The following NXPH1 variants were observed in gnomAD, a reference collection of about 807,000 sequenced individuals.
NXPH1 encodes neurexophilin-1.
In NXPH1, 5 loss-of-function variants were observed where a neutral mutation model predicts 23.7. The observed-to-expected ratio is 0.21, with a 90% CI of 0.11 to 0.44. The LOEUF (loss-of-function observed/expected upper bound fraction) is 0.44, where lower values mean the gene tolerates loss of function less well. Ranked by LOEUF, NXPH1 falls within the 20% of genes least tolerant of loss-of-function variation. The pLI is 0.99. For synonymous variants in NXPH1, 144 were observed against 122.2 expected (o/e 1.18, Z -1.18); for missense variants, 324 against 321.6 (o/e 1.01, Z -0.06).
rs10266924 is a variant in NXPH1 at position 8,737,044 on chromosome 7, T to A, written c.55-13964T>A. On this transcript the variant is annotated intron_variant, in intron 2 of 2. Transcript: ENST00000405863. The stretch of plus-strand genomic sequence containing the variant: ...CGTGTGTGTTTGCATGTCAGATGGG[T>A]CTCCTGAATACAGCAGATCGATGAG... Among the ~76,000 whole-genome samples the A allele has an allele frequency of 7.3e-3, 1,114 of 152,178 alleles. 16 individuals carry two copies. Among genetic ancestry groups the A allele is most frequent in the African/African-American group, 0.026 (1,071 of 41,504 alleles).
chr7:8,623,171 T>C (rs1346199499), intron 2 of NXPH1, among the ~76,000 whole-genome samples: 1 of 152,094 alleles, frequency 6.6e-6, no homozygotes, highest in African/African-American at 2.4e-5. Context: ...AATTTAATGA[T>C]GCAGGAGGGA....
intron 2 of NXPH1, among the ~76,000 whole-genome samples, chr7:8,739,336 A>G (rs901496925): frequency 1.3e-5 from 2 of 152,050 alleles, no homozygotes; most frequent in African/African-American, 4.8e-5. Flanking sequence ...AAAGTGTAGT[A>G]TCTGGGCCAG....
At chr7:8,586,582 A>G (rs1818985747) in intron 2 of NXPH1, among the ~76,000 whole-genome samples, 1 of 151,798 alleles carries the variant, frequency 6.6e-6, no homozygotes, top group Non-Finnish European at 1.5e-5. Flanking sequence ...GAACAGCATG[A>G]CCAAAAATTC....
intron 2 of NXPH1, among the ~76,000 whole-genome samples, chr7:8,555,242 C>T (rs1818338302): frequency 6.6e-6 from 1 of 151,688 alleles, no homozygotes; most frequent in African/African-American, 2.4e-5. Flanking sequence ...CTGCTCAGCA[C>T]TCCATTGGAG....
intron 2 of NXPH1, among the ~76,000 whole-genome samples, chr7:8,693,723 C>G (rs1261759613): frequency 6.6e-6 from 1 of 152,254 alleles, no homozygotes; most frequent in Non-Finnish European, 1.5e-5. Context: ...TACTGTTCAT[C>G]TTCCATTACA....
At chr7:8,702,809 G>C (rs1163521718) in intron 2 of NXPH1, among the ~76,000 whole-genome samples, 1 of 152,086 alleles carries the variant, frequency 6.6e-6, no homozygotes, top group Non-Finnish European at 1.5e-5. Flanking sequence ...CTTACAGTTA[G>C]AGATGTGATA....
chr7:8,640,732 G>T (rs895548476), intron 2 of NXPH1, among the ~76,000 whole-genome samples: 3 of 152,110 alleles, frequency 2.0e-5, no homozygotes, highest in Non-Finnish European at 2.9e-5. Context: ...AAGGCAGGAG[G>T]ACTGCTATGA....
At chr7:8,654,650 G>C (rs760509972) in intron 2 of NXPH1, among the ~76,000 whole-genome samples, 1 of 152,082 alleles carries the variant, frequency 6.6e-6, no homozygotes, top group Non-Finnish European at 1.5e-5. Context: ...AATGATAGTG[G>C]CCTTATCTCC....
intron 2 of NXPH1, among the ~76,000 whole-genome samples, chr7:8,726,492 C>A (rs1368710204): frequency 8.2e-5 from 10 of 121,620 alleles, no homozygotes; most frequent in Non-Finnish European, 1.3e-4. Flanking sequence ...CCCCTCCCCC[C>A]ACCCCACAAC....
intron 2 of NXPH1, among the ~76,000 whole-genome samples, chr7:8,476,400 A>T (rs1055191169): frequency 6.6e-6 from 1 of 151,634 alleles, no homozygotes; most frequent in African/African-American, 2.4e-5. Flanking sequence ...CAGCACACAC[A>T]TGCCTTTTGA....
intron 2 of NXPH1, among the ~76,000 whole-genome samples, chr7:8,437,455 C>G (rs1367357491): frequency 6.6e-6 from 1 of 152,178 alleles, no homozygotes; most frequent in African/African-American, 2.4e-5. Flanking sequence ...TTGCCCTTTT[C>G]CTCTGCATAC....
At chr7:8,461,843 A>AAAAAAAAAAAAAAAAAAAAAG (rs758426131) in intron 2 of NXPH1, among the ~76,000 whole-genome samples, 6 of 121,470 alleles carry the variant, frequency 4.9e-5, no homozygotes, top group African/African-American at 1.2e-4. Flanking sequence ...TCTCAAAAAA[A>AAAAAAAAAAAAAAAAAAAAAG]AAAAAAAAGA....
At chr7:8,587,756 T>G (rs907238920) in intron 2 of NXPH1, among the ~76,000 whole-genome samples, 1 of 152,128 alleles carries the variant, frequency 6.6e-6, no homozygotes, top group African/African-American at 2.4e-5. Flanking sequence ...TGTTCCTGTG[T>G]TAATTTGCTG....
At chr7:8,708,293 T>C (rs908189110) in intron 2 of NXPH1, among the ~76,000 whole-genome samples, 3 of 152,188 alleles carry the variant, frequency 2.0e-5, no homozygotes, top group African/African-American at 7.2e-5. Context: ...AATTTTGTCA[T>C]TCGGTCAAAA....
At chr7:8,446,126 A>C (rs990956142) in intron 2 of NXPH1, among the ~76,000 whole-genome samples, 1 of 152,206 alleles carries the variant, frequency 6.6e-6, no homozygotes, top group African/African-American at 2.4e-5. Context: ...AAATAGGAAG[A>C]ATATAAAGTT....
chr7:8,690,691 G>GTA (rs1472395656), intron 2 of NXPH1, among the ~76,000 whole-genome samples: 12 of 152,320 alleles, frequency 7.9e-5, no homozygotes, highest in African/African-American at 2.6e-4. Flanking sequence ...AGTTTACCTT[G>GTA]TATATATGTC....
intron 2 of NXPH1, among the ~76,000 whole-genome samples, chr7:8,575,107 G>C (rs923273655): frequency 4.6e-5 from 7 of 152,120 alleles, no homozygotes; most frequent in African/African-American, 1.7e-4. Flanking sequence ...GACTAAAAGA[G>C]TATTTCTGAC....
intron 2 of NXPH1, among the ~76,000 whole-genome samples, chr7:8,638,370 T>A (rs1346520860): frequency 6.6e-6 from 1 of 152,172 alleles, no homozygotes; most frequent in East Asian, 1.9e-4. Context: ...CAACAACCAC[T>A]GGGGAGAATT....
At chr7:8,682,294 T>C (rs1821068026) in intron 2 of NXPH1, among the ~76,000 whole-genome samples, 1 of 152,168 alleles carries the variant, frequency 6.6e-6, no homozygotes, top group Admixed American at 6.5e-5. Flanking sequence ...TGGGATCAGA[T>C]TCCCAGGAAG....
Sources: gnomAD v4.1 joint callset for allele counts (sites outside exome capture counted in the v4.1 genomes callset) on GRCh38, gnomAD v4.1.1 for gene constraint, MANE v1.5 for transcripts, NCBI Gene and HGNC (gene_info 2026-07-23, HGNC 2026-07-21) for gene names.